THBS4: variants seen among roughly 807,000 people sequenced by gnomAD.
The protein encoded by THBS4 is thrombospondin-4.
A neutral mutation model predicts 115.7 loss-of-function variants in THBS4; 90 were observed. The observed-to-expected ratio is 0.78, with a 90% CI of 0.66 to 0.93. The LOEUF (loss-of-function observed/expected upper bound fraction) is 0.93. THBS4 is among the 40% of genes least tolerant of loss of function. THBS4 has a pLI of 0.00. For synonymous variants in THBS4, 460 were observed against 479.3 expected, an observed-to-expected ratio of 0.96 and a Z score of 0.53; for missense variants, 1,087 against 1,232.7, an observed-to-expected ratio of 0.88 and a Z score of 1.77.
intron 3 of THBS4, among the ~76,000 whole-genome samples, chr5:80,057,200 C>G (rs975164540): frequency 7.9e-5 from 12 of 152,302 alleles, no homozygotes; most frequent in African/African-American, 2.9e-4. Flanking sequence ...AATTGTGTCA[C>G]TGCTTATTTC....
At chr5:79,995,014 A>G (rs1199736223) in intron 1 of THBS4, among the ~76,000 whole-genome samples, 2 of 152,322 alleles carry the variant, frequency 1.3e-5, no homozygotes, top group South Asian at 2.1e-4. Flanking sequence ...GCTGTGCTAT[A>G]TAAGTGAAGG....
At chr5:80,059,515 C>T (rs752038286) in intron 6 of THBS4, 24 bp downstream of exon 6, 2 of 1,613,716 alleles carry the variant, frequency 1.2e-6, no homozygotes, top group Non-Finnish European at 1.7e-6. Context: ...TAGTAATGGG[C>T]TCGCCTGAGT....
chr5:80,018,848 G>A (rs1490841745), intron 2 of THBS4, among the ~76,000 whole-genome samples: 1 of 152,088 alleles, frequency 6.6e-6, no homozygotes, highest in African/African-American at 2.4e-5. Flanking sequence ...GTTGTTGTCT[G>A]CTATTTCCTC....
chr5:80,071,481 T>A (rs1834052488), intron 13 of THBS4, among the ~76,000 whole-genome samples: 1 of 152,166 alleles, frequency 6.6e-6, no homozygotes, highest in South Asian at 2.1e-4. Flanking sequence ...CCCTTCCCAT[T>A]TCTACCTGTC....
At chr5:80,000,047 C>G (rs1246421477) in intron 2 of THBS4, among the ~76,000 whole-genome samples, 3 of 152,128 alleles carry the variant, frequency 2.0e-5, no homozygotes, top group African/African-American at 7.2e-5. Context: ...AAAATCAACC[C>G]AAGAAGTATA....
At chr5:80,047,753 C>A (rs564585520) in intron 2 of THBS4, among the ~76,000 whole-genome samples, 1 of 151,932 alleles carries the variant, frequency 6.6e-6, no homozygotes, top group Admixed American at 6.6e-5. Context: ...CCTGCCTCAG[C>A]CTCCTGAGTA....
At chr5:80,062,095 T>A (rs1407056638) in intron 8 of THBS4, among the ~76,000 whole-genome samples, 2 of 152,254 alleles carry the variant, frequency 1.3e-5, no homozygotes, top group African/African-American at 4.8e-5. Flanking sequence ...GCTATTGGCA[T>A]AATTTCAGTC....
intron 2 of THBS4, among the ~76,000 whole-genome samples, chr5:80,001,899 A>G (rs1171173362): frequency 6.6e-6 from 1 of 152,200 alleles, no homozygotes; most frequent in Non-Finnish European, 1.5e-5. Context: ...CAAAGCCATG[A>G]TTTTTACATT....
chr5:80,078,004 G>T, intron 16 of THBS4, 45 bp from the exon 17 acceptor site: 3 of 1,461,716 alleles, frequency 2.1e-6, no homozygotes, highest in African/African-American at 1.4e-5. Context: ...AGTGGCGGTG[G>T]GTGTGAGCGC....
intron 2 of THBS4, among the ~76,000 whole-genome samples, chr5:80,009,322 G>C (rs563266393): frequency 2.8e-4 from 43 of 152,292 alleles, no homozygotes; most frequent in African/African-American, 1.0e-3. Flanking sequence ...AATCAGAATA[G>C]GAAAACTGTT....
chr5:79,995,441 G>A (rs537628719), intron 1 of THBS4, among the ~76,000 whole-genome samples: 7 of 152,248 alleles, frequency 4.6e-5, no homozygotes, highest in African/African-American at 1.7e-4. Context: ...GGGTATAAAC[G>A]ATAAGGACAG....
intron 1 of THBS4, among the ~76,000 whole-genome samples, chr5:79,992,856 C>G (rs541572963): frequency 1.3e-5 from 2 of 152,242 alleles, no homozygotes; most frequent in South Asian, 4.1e-4. Flanking sequence ...GTTGAGTCTT[C>G]AGTATAAAGA....
chr5:79,992,335 T>C (rs899046266), intron 1 of THBS4, among the ~76,000 whole-genome samples: 2 of 152,206 alleles, frequency 1.3e-5, no homozygotes, highest in East Asian at 1.9e-4. Flanking sequence ...CTGAGTTCTT[T>C]CCTCTATTCC....
At position 80,071,283 on chromosome 5, in the gene THBS4, C is replaced by G; in HGVS notation, c.1720+103C>G. ...GAATGACTGATTCGGAGCCTTCCAG[C>G]TGTGGGTGGCTCATTGTGGCCTGCA... is the stretch of plus-strand genomic sequence containing the variant. On this transcript the variant is annotated intron_variant, in intron 13 of 21. Coordinates refer to ENST00000350881, the MANE Select transcript of THBS4 (RefSeq NM_003248.6). 6 of 1,479,730 alleles carry G rather than the reference C, an allele frequency of 4.1e-6. No individual in the cohort carries two copies. In the South Asian group the frequency reaches 7.4e-5, roughly 18 times the overall value. The allele number at this position is 1,479,730 out of a possible 1,614,324, so 91.7% of individuals were successfully genotyped here.
chr5:80,034,550 C>T (rs1043329628), upstream of THBS4, among the ~76,000 whole-genome samples: 5 of 152,168 alleles, frequency 3.3e-5, no homozygotes, highest in Admixed American at 3.3e-4. Flanking sequence ...ACTTGCGTTC[C>T]TCCGATCTCT....
intron 2 of THBS4, among the ~76,000 whole-genome samples, chr5:80,047,633 A>ATTT (rs1554051282): frequency 9.8e-6 from 1 of 102,442 alleles, no homozygotes. Flanking sequence ...AAAATTAAGA[A>ATTT]TTTTTTTTTT....
intron 2 of THBS4, among the ~76,000 whole-genome samples, chr5:80,010,793 G>T (rs1044514349): frequency 6.6e-6 from 1 of 152,266 alleles, no homozygotes; most frequent in African/African-American, 2.4e-5. Context: ...TGGTCCTTCA[G>T]AGCTGGGATG....
At chr5:80,028,948 A>G (rs1049804071) in intron 2 of THBS4, among the ~76,000 whole-genome samples, 1 of 152,160 alleles carries the variant, frequency 6.6e-6, no homozygotes, top group Non-Finnish European at 1.5e-5. Flanking sequence ...AATTAGAAGT[A>G]ATTTGTAATT....
intron 2 of THBS4, chr5:80,052,378 C>G (rs1438980940): frequency 6.6e-6 from 1 of 152,190 alleles, no homozygotes; most frequent in African/African-American, 2.4e-5. Context: ...GAATTCTGTT[C>G]TATCCCAGAT....
Sources: gnomAD v4.1 joint callset for allele counts (sites outside exome capture counted in the v4.1 genomes callset) on GRCh38, gnomAD v4.1.1 for gene constraint, MANE v1.5 for transcripts, NCBI Gene and HGNC (gene_info 2026-07-23, HGNC 2026-07-21) for gene names.